Variants in TP53BP1 observed in about 807,000 individuals in gnomAD.
TP53BP1 encodes tumor protein p53 binding protein 1, also known as TP53-binding protein 1.
Under a neutral mutation model 200.8 loss-of-function variants are expected in TP53BP1, and 61 were observed. That is an observed-to-expected ratio of 0.30 (90% confidence interval 0.25 to 0.38). The LOEUF is 0.38. TP53BP1 is among the 10% of genes least tolerant of loss of function. The pLI is 1.00. For missense variants in TP53BP1, 2,144 were observed against 2,371.9 expected (o/e 0.90, Z 2.00); for synonymous variants, 822 against 844.3 (o/e 0.97, Z 0.46).
intron 21 of TP53BP1, among the ~76,000 whole-genome samples, chr15:43,418,527 A>G (rs371331030): frequency 6.6e-6 from 1 of 151,988 alleles, no homozygotes; most frequent in African/African-American, 2.4e-5. Context: ...AAAAGATAGA[A>G]AGAAAGCCAT....
At position 43,408,944 on chromosome 15, in the gene TP53BP1, A is replaced by G. The variant is rs2045020482; in HGVS notation, c.5553T>C (p.Tyr1851=). 1 of 1,614,106 alleles carries G rather than the reference A, an allele frequency of 6.2e-7. No individual in the cohort carries two copies. The highest frequency in any genetic ancestry group is 1.1e-5 in the South Asian group (1 of 91,082). Residue 1851 remains tyrosine (Y), a synonymous_variant, in exon 26 of 28, where the codon TAT becomes TAC. Transcript: ENST00000382044. ...HANQLQNYRN[Y]LLPAGYSLEE... ...CAAGGCTGTACCCAGCTGGCAACAG[A>G]TAATTACGGTAGTTCTGGAGCTGGT... is the stretch of plus-strand genomic sequence containing the variant.
At position 43,407,381 on chromosome 15, in the gene TP53BP1, CTT is replaced by C; in HGVS notation, c.5934_*1del. ...GAATAAAACCAGTAAGACCAAGTAT[CTT>C]TAGTGAGAAACATAATCGTGTTTAT... On this transcript the variant is annotated stop_retained_variant and 3_prime_UTR_variant, in exon 28 of 28. Coordinates refer to ENST00000382044, the MANE Select transcript of TP53BP1 (RefSeq NM_001141980.3). 6.2e-7 allele frequency: 1 copy of C among 1,613,906 alleles called. No homozygotes were observed. Among genetic ancestry groups the C allele is most frequent in the Non-Finnish European group, 8.5e-7 (1 of 1,179,804 alleles).
rs2044927471 is a variant in TP53BP1 at position 43,407,149 on chromosome 15, G to GAAAGT, written c.*229_*233dup. On this transcript the variant is annotated 3_prime_UTR_variant, in exon 28 of 28. Coordinates refer to ENST00000382044, the MANE Select transcript of TP53BP1 (RefSeq NM_001141980.3). The stretch of plus-strand genomic sequence containing the variant: ...GAATAAGCCTGTTGAAAGACTCAGA[G>GAAAGT]AAAGTACTATGTCTTGTCATTTGTT... The GAAAGT allele has an allele frequency of 4.2e-6, 2 of 471,422 alleles. No homozygotes were observed. Among genetic ancestry groups the GAAAGT allele is most frequent in the East Asian group, 3.5e-5 (1 of 28,362 alleles). 29.2% of individuals were successfully genotyped at this position (471,422 alleles called of 1,614,324 possible). A position where few individuals can be genotyped will look rare whatever the true frequency, so the allele number is the denominator to read the frequency against.
chr15:43,421,631 T>G, intron 19 of TP53BP1: 1 of 624,402 alleles, frequency 1.6e-6, no homozygotes. Flanking sequence ...TTACCTACAT[T>G]TTCTCAGGGG....
At chr15:43,510,521 A>AC (rs1211141403) in exon 1 of TP53BP1, 1 of 156,492 alleles carries the variant, frequency 6.4e-6, no homozygotes, top group African/African-American at 2.4e-5. Flanking sequence ...AAAAAAAAAA[A>AC]AAACACGCCA....
At chr15:43,454,643 G>T (rs1287927209) in intron 12 of TP53BP1, among the ~76,000 whole-genome samples, 1 of 152,074 alleles carries the variant, frequency 6.6e-6, no homozygotes, top group Non-Finnish European at 1.5e-5. Context: ...GATTACAGGC[G>T]TGAGCCACCA....
chr15:43,438,441 T>A, intron 15 of TP53BP1, 25 bp from the exon 16 acceptor site: 3 of 1,558,900 alleles, frequency 1.9e-6, no homozygotes, highest in Non-Finnish European at 1.7e-6. Flanking sequence ...TAAAGCAATA[T>A]ATTGTTAACT....
At chr15:43,504,283 G>T (rs1215173615) in intron 1 of TP53BP1, among the ~76,000 whole-genome samples, 1 of 152,136 alleles carries the variant, frequency 6.6e-6, no homozygotes, top group Non-Finnish European at 1.5e-5. Flanking sequence ...AAAGTGCTGG[G>T]ATTATAAATG....
At chr15:43,500,998 C>G (rs1278792122) in intron 1 of TP53BP1, among the ~76,000 whole-genome samples, 1 of 152,178 alleles carries the variant, frequency 6.6e-6, no homozygotes, top group East Asian at 1.9e-4. Context: ...CATGCCACTG[C>G]ACACCAGCCT....
intron 3 of TP53BP1, 122 bp downstream of exon 3, chr15:43,491,880 G>A (rs549669653): frequency 6.6e-6 from 7 of 1,063,352 alleles, no homozygotes; most frequent in African/African-American, 3.1e-5. Context: ...TGACTACTAC[G>A]CAGATACCAC....
At chr15:43,481,397 T>C (rs2078962962) in intron 4 of TP53BP1, among the ~76,000 whole-genome samples, 1 of 151,190 alleles carries the variant, frequency 6.6e-6, no homozygotes, top group Non-Finnish European at 1.5e-5. Context: ...AATCTTAAAA[T>C]ACATATATAG....
chr15:43,447,316 T>C (rs370223695), intron 13 of TP53BP1, 50 bp downstream of exon 13: 72 of 1,567,046 alleles, frequency 4.6e-5, no homozygotes, highest in Non-Finnish European at 5.7e-5. Flanking sequence ...GTGTAGAGAA[T>C]GATATCTCAG....
intron 24 of TP53BP1, among the ~76,000 whole-genome samples, chr15:43,410,083 AG>A (rs1397850008): frequency 2.6e-5 from 4 of 152,214 alleles, no homozygotes; most frequent in Non-Finnish European, 5.9e-5. Flanking sequence ...CCTTACCATC[AG>A]GAAGTTCCCT....
intron 11 of TP53BP1, among the ~76,000 whole-genome samples, chr15:43,466,529 T>C (rs1263749916): frequency 1.3e-5 from 2 of 152,238 alleles, no homozygotes; most frequent in African/African-American, 4.8e-5. Context: ...AATTACGATG[T>C]AACTATACTT....
At chr15:43,451,018 G>A (rs903659997) in intron 12 of TP53BP1, among the ~76,000 whole-genome samples, 1 of 152,016 alleles carries the variant, frequency 6.6e-6, no homozygotes, top group Non-Finnish European at 1.5e-5. Flanking sequence ...GGAATTACGC[G>A]TGCACGCCAC....
rs1027775332 is a variant in TP53BP1, at chr15:43,405,297, C to G, written c.*2086G>C. Reference sequence around the variant, plus strand: ...TTCAAAACATCCCATTCTAGCCACACACAAATAAATATCTGCGGCTTAGTG... The same window carrying G: ...TTCAAAACATCCCATTCTAGCCACAGACAAATAAATATCTGCGGCTTAGTG... On this transcript the variant is annotated 3_prime_UTR_variant, in exon 28 of 28. Transcript: ENST00000382044. 1.3e-5 allele frequency: 20 copies of G among 1,495,166 alleles called. No individual in the cohort carries two copies. Among genetic ancestry groups the G allele is most frequent in the Non-Finnish European group, 1.8e-5 (19 of 1,073,606 alleles). 92.6% of individuals were successfully genotyped at this position (1,495,166 alleles called of 1,614,324 possible).
At chr15:43,502,004 A>G (rs1227346692) in intron 1 of TP53BP1, among the ~76,000 whole-genome samples, 1 of 152,174 alleles carries the variant, frequency 6.6e-6, no homozygotes, top group Non-Finnish European at 1.5e-5. Context: ...ACTTTATAAG[A>G]AACTGCCAAA....
At chr15:43,453,765 G>C (rs770377582) in intron 12 of TP53BP1, among the ~76,000 whole-genome samples, 81 of 151,792 alleles carry the variant, frequency 5.3e-4, no homozygotes, top group Admixed American at 7.9e-4. Context: ...GGCTGGTCTC[G>C]AACTCCTGAT....
intron 4 of TP53BP1, among the ~76,000 whole-genome samples, chr15:43,482,313 C>G (rs575157398): frequency 6.6e-6 from 1 of 152,264 alleles, no homozygotes; most frequent in African/African-American, 2.4e-5. Flanking sequence ...ATTTCACAAT[C>G]TATTAATAAC....
Sources: gnomAD v4.1 joint callset for allele counts (sites outside exome capture counted in the v4.1 genomes callset) on GRCh38, gnomAD v4.1.1 for gene constraint, MANE v1.5 for transcripts, NCBI Gene and HGNC (gene_info 2026-07-23, HGNC 2026-07-21) for gene names.